SAMD4A: variants seen among roughly 807,000 people sequenced by gnomAD.
SAMD4A encodes protein Smaug homolog 1.
Under a neutral mutation model 81.3 loss-of-function variants are expected in SAMD4A, and 33 were observed. The observed-to-expected ratio is 0.41, with a 90% CI of 0.31 to 0.54. The LOEUF is 0.54. Ranked by LOEUF, SAMD4A falls within the 20% of genes least tolerant of loss-of-function variation. SAMD4A has a pLI of 0.37. For synonymous variants in SAMD4A, 389 were observed against 382.1 expected (o/e 1.02, Z -0.21); for missense variants, 854 against 951.1 (o/e 0.90, Z 1.34).
intron 2 of SAMD4A, among the ~76,000 whole-genome samples, chr14:54,597,668 C>T (rs1177303157): frequency 6.7e-6 from 1 of 148,272 alleles, no homozygotes; most frequent in Non-Finnish European, 1.5e-5. Context: ...TGGCTCACTG[C>T]AGCCTCGACC....
chr14:54,743,939 G>A (rs1468875378), intron 4 of SAMD4A, among the ~76,000 whole-genome samples: 1 of 152,192 alleles, frequency 6.6e-6, no homozygotes, highest in Non-Finnish European at 1.5e-5. Context: ...TTTTTGAAAG[G>A]AACATCTTCC....
At chr14:54,678,848 T>G (rs949573405) in intron 2 of SAMD4A, among the ~76,000 whole-genome samples, 6 of 152,216 alleles carry the variant, frequency 3.9e-5, no homozygotes, top group African/African-American at 1.4e-4. Flanking sequence ...GCGCCCGGCC[T>G]GATCTTTAGG....
At chr14:54,702,756 C>A in intron 3 of SAMD4A, 176 bp downstream of exon 3, 2 of 726,752 alleles carry the variant, frequency 2.8e-6, no homozygotes, top group Non-Finnish European at 4.4e-6. Flanking sequence ...TTTGACTCTG[C>A]AAAGATGAAA....
At chr14:54,746,480 A>G (rs1330371465) in intron 4 of SAMD4A, among the ~76,000 whole-genome samples, 3 of 152,232 alleles carry the variant, frequency 2.0e-5, no homozygotes, top group Non-Finnish European at 2.9e-5. Context: ...TAAATGAATG[A>G]GGCCAGCTCT....
intron 6 of SAMD4A, among the ~76,000 whole-genome samples, chr14:54,758,722 C>T (rs956042556): frequency 2.0e-5 from 3 of 151,986 alleles, no homozygotes; most frequent in Admixed American, 6.6e-5. Context: ...CCCAGCTATT[C>T]GGGAGGCTGA....
At chr14:54,697,440 G>A (rs866108156) in intron 2 of SAMD4A, among the ~76,000 whole-genome samples, 2 of 152,158 alleles carry the variant, frequency 1.3e-5, no homozygotes, top group Non-Finnish European at 2.9e-5. Context: ...CACAGATTTT[G>A]GAAATACCTC....
intron 6 of SAMD4A, among the ~76,000 whole-genome samples, chr14:54,752,680 G>A (rs1458989297): frequency 6.6e-6 from 1 of 152,216 alleles, no homozygotes; most frequent in Non-Finnish European, 1.5e-5. Context: ...AAAGAAATAA[G>A]ACACAGAGAC....
intron 12 of SAMD4A, among the ~76,000 whole-genome samples, chr14:54,786,511 GGTGA>G (rs2039144797): frequency 6.6e-6 from 1 of 152,238 alleles, no homozygotes; most frequent in Admixed American, 6.5e-5. Flanking sequence ...GATAGCAGCT[GGTGA>G]GTGAGTCCCC....
At chr14:54,713,184 ATCTT>A (rs141512044) in intron 3 of SAMD4A, among the ~76,000 whole-genome samples, 4,543 of 152,190 alleles carry the variant, frequency 0.03, 209 homozygotes, top group African/African-American at 0.1. Context: ...GCTTACACAT[ATCTT>A]TGATATCTTT....
Position 54,750,335 on chromosome 14 carries a change from A to T in SAMD4A, c.1090-1116A>T, listed in dbSNP as rs143057235. Among the ~76,000 whole-genome samples the T allele has an allele frequency of 1.3e-3, 193 of 152,330 alleles. 1 individual carries two copies. Among genetic ancestry groups the T allele is most frequent in the Admixed American group, 0.01 (155 of 15,306 alleles). On this transcript the variant is annotated intron_variant, in intron 5 of 12. Transcript: ENST00000554335. ...TTGAGTCTTAATTTTTCTAGTAAAGATGTTGTTGATATTCCTATCTTTTCC... is the reference window on the plus strand; with the variant it reads ...TTGAGTCTTAATTTTTCTAGTAAAGTTGTTGTTGATATTCCTATCTTTTCC...
intron 2 of SAMD4A, among the ~76,000 whole-genome samples, chr14:54,586,188 T>C (rs2033611503): frequency 6.6e-6 from 1 of 152,200 alleles, no homozygotes; most frequent in Non-Finnish European, 1.5e-5. Flanking sequence ...TAATTAGTGA[T>C]GTTGAGCATT....
chr14:54,602,828 TTC>T (rs1199663259), intron 2 of SAMD4A, among the ~76,000 whole-genome samples: 1 of 152,038 alleles, frequency 6.6e-6, no homozygotes, highest in African/African-American at 2.4e-5. Flanking sequence ...CCTTCTTACA[TTC>T]TCTCTCAGTT....
At chr14:54,724,007 TGGAAGGAAGGAA>T (rs753453738) in intron 3 of SAMD4A, among the ~76,000 whole-genome samples, 1,834 of 124,242 alleles carry the variant, frequency 0.015, 17 homozygotes, top group Middle Eastern at 0.023. Flanking sequence ...GATGGATGGA[TGGAAGGAAGGAA>T]GGAAGGAAGG....
intron 2 of SAMD4A, among the ~76,000 whole-genome samples, chr14:54,571,834 G>T (rs2033137768): frequency 6.6e-6 from 1 of 152,124 alleles, no homozygotes; most frequent in Non-Finnish European, 1.5e-5. Flanking sequence ...GGGATGAGGG[G>T]CTGTCACCCT....
Position 54,711,171 on chromosome 14 carries a change from G to C in SAMD4A, c.715+8591G>C, listed in dbSNP as rs1317219953. 2.6e-5 allele frequency among the ~76,000 whole-genome samples: 4 copies of C among 152,092 alleles called. No homozygotes were observed. The East Asian group carries it at 7.7e-4, about 29-fold the overall frequency. On this transcript the variant is annotated intron_variant, in intron 3 of 12. Coordinates refer to ENST00000554335, the MANE Select transcript of SAMD4A (RefSeq NM_015589.6). ...AATAATGAATTTCCAAAATAAACAAGAAAATGTCCCTAGGAATTCACTAAA... is the reference window on the plus strand; with the variant it reads ...AATAATGAATTTCCAAAATAAACAACAAAATGTCCCTAGGAATTCACTAAA...
intron 2 of SAMD4A, among the ~76,000 whole-genome samples, chr14:54,601,080 T>C (rs2034041130): frequency 1.3e-5 from 2 of 152,220 alleles, no homozygotes. Flanking sequence ...CATAAATTCC[T>C]CTTCGAGCTC....
chr14:54,736,980 T>C (rs764703651), intron 3 of SAMD4A, 44 bp from the exon 4 acceptor site: 3 of 1,603,666 alleles, frequency 1.9e-6, no homozygotes, highest in Non-Finnish European at 1.7e-6. Context: ...TGTCCCAGGA[T>C]AAAGGGGGGG....
intron 11 of SAMD4A, among the ~76,000 whole-genome samples, chr14:54,779,142 T>C (rs781520082): frequency 4.6e-5 from 7 of 151,938 alleles, no homozygotes; most frequent in Non-Finnish European, 8.8e-5. Flanking sequence ...CTTCTGCAGA[T>C]GGGCCTTTCC....
intron 2 of SAMD4A, among the ~76,000 whole-genome samples, chr14:54,666,283 C>T (rs773597963): frequency 1.3e-5 from 2 of 152,164 alleles, no homozygotes; most frequent in Admixed American, 6.5e-5. Flanking sequence ...CCTGTGTGGG[C>T]GTCTTGATTA....
Sources: allele counts gnomAD v4.1 joint callset (sites outside exome capture counted in the v4.1 genomes callset), GRCh38; gene constraint gnomAD v4.1.1; transcripts MANE v1.5; gene names NCBI Gene and HGNC (gene_info 2026-07-23, HGNC 2026-07-21).